THEM4: variants seen among roughly 807,000 people sequenced by gnomAD.
THEM4 encodes thioesterase superfamily member 4, also known as acyl-coenzyme A thioesterase THEM4.
In THEM4, 22 loss-of-function variants were observed where a neutral mutation model predicts 25.0. That is an observed-to-expected ratio of 0.88 (90% CI 0.63 to 1.26). THEM4 has a LOEUF of 1.26. Among genes scored for constraint, THEM4 ranks in the 50% most tolerant of loss-of-function variants. The pLI is 0.00. For missense variants in THEM4, 286 were observed against 300.3 expected (o/e 0.95, Z 0.35); for synonymous variants, 113 against 105.6 (o/e 1.07, Z -0.43).
chr1:151,906,993 C>T (rs1654484654), intron 1 of THEM4, among the ~76,000 whole-genome samples: 1 of 152,178 alleles, frequency 6.6e-6, no homozygotes, highest in South Asian at 2.1e-4. Flanking sequence ...TCCCCTTCCA[C>T]ACTGTGGAAG....
chr1:151,907,953 C>A (rs1236255871), intron 1 of THEM4, among the ~76,000 whole-genome samples: 1 of 152,174 alleles, frequency 6.6e-6, no homozygotes, highest in East Asian at 1.9e-4. Flanking sequence ...ACTGCCCAGG[C>A]TCCAAGGCGC....
At chr1:151,893,891 ACT>A (rs113342987) in intron 2 of THEM4, among the ~76,000 whole-genome samples, 68 of 150,946 alleles carry the variant, frequency 4.5e-4, no homozygotes, top group Admixed American at 1.7e-3. Flanking sequence ...AGACAGTCTC[ACT>A]CTGTTGCCCA....
At chr1:151,892,349 T>C (rs575674392) in intron 2 of THEM4, among the ~76,000 whole-genome samples, 2 of 152,288 alleles carry the variant, frequency 1.3e-5, no homozygotes, top group South Asian at 4.1e-4. Flanking sequence ...TCTAGTACAG[T>C]AAGTGCTGAA....
chr1:151,877,172 T>C (rs939610827), intron 4 of THEM4, 47 bp from the exon 5 acceptor site: 1 of 1,552,244 alleles, frequency 6.4e-7, no homozygotes, highest in Non-Finnish European at 8.7e-7. Flanking sequence ...TTATCTGACT[T>C]ATATAACATT....
In THEM4 at chr1:151,909,476, C is replaced by A; in HGVS notation, c.-18G>T. On this transcript the variant is annotated 5_prime_UTR_variant, in exon 1 of 6. Transcript: ENST00000368814. The stretch of plus-strand genomic sequence containing the variant: ...CTCAGCATGGCTCCGGGCCGCGGGG[C>A]CGCGCTTGCTCTAGCCCTGGACGGC... The A allele has an allele frequency of 7.3e-7, 1 of 1,375,148 alleles. No individual in the cohort carries two copies. Among genetic ancestry groups the A allele is most frequent in the Non-Finnish European group, 9.3e-7 (1 of 1,072,774 alleles). The allele number at this position is 1,375,148 out of a possible 1,614,324, so 85.2% of individuals were successfully genotyped here. A position where few individuals can be genotyped will look rare whatever the true frequency, so the allele number is the denominator to read the frequency against.
chr1:151,902,434 G>T (rs1654372026), intron 1 of THEM4, among the ~76,000 whole-genome samples: 1 of 152,118 alleles, frequency 6.6e-6, no homozygotes, highest in South Asian at 2.1e-4. Context: ...AATTATATGG[G>T]AGAGCTAAGC....
At chr1:151,885,775 A>C (rs1489814546) in intron 4 of THEM4, among the ~76,000 whole-genome samples, 2 of 152,276 alleles carry the variant, frequency 1.3e-5, no homozygotes, top group Non-Finnish European at 2.9e-5. Context: ...CAAGGAAATA[A>C]ATCAAGTGGG....
At chr1:151,898,384 C>G (rs987534546) in intron 1 of THEM4, among the ~76,000 whole-genome samples, 1 of 152,166 alleles carries the variant, frequency 6.6e-6, no homozygotes, top group Non-Finnish European at 1.5e-5. Context: ...GTACACAACT[C>G]CAGTGACCCG....
intron 4 of THEM4, among the ~76,000 whole-genome samples, chr1:151,884,430 C>T (rs899819391): frequency 6.6e-6 from 1 of 152,134 alleles, no homozygotes; most frequent in Non-Finnish European, 1.5e-5. Context: ...TCAAAGAAAC[C>T]TTTCTATATA....
At chr1:151,877,218 T>C in intron 4 of THEM4, 93 bp from the exon 5 acceptor site, 1 of 1,321,936 alleles carries the variant, frequency 7.6e-7, no homozygotes. Flanking sequence ...GGATAGAAAT[T>C]TATGACACCT....
rs1653587202 is a variant in THEM4 at position 151,872,954 on chromosome 1, AGAGGAAGGCCTCTTGTGGTTGAGAT to A, written c.*1909_*1933del. 2.0e-5 allele frequency among the ~76,000 whole-genome samples: 3 copies of A among 152,196 alleles called. No homozygotes were observed. In the South Asian group the frequency reaches 6.2e-4, roughly 32 times the overall value. ...GTCTGTGCTGAGGGGGATTAGTAAA[AGAGGAAGGCCTCTTGTGGTTGAGAT>A]GAGGAAGGCCTCTGTCTCCTGCATG... On this transcript the variant is annotated 3_prime_UTR_variant, in exon 6 of 6. Transcript: ENST00000368814.
chr1:151,891,330 A>G (rs1185771447), intron 2 of THEM4: 2 of 152,234 alleles, frequency 1.3e-5, no homozygotes. Flanking sequence ...TTTGAGGAGG[A>G]TAAGAATGGA....
At chr1:151,886,071 T>C (rs900150998) in intron 4 of THEM4, among the ~76,000 whole-genome samples, 11 of 152,220 alleles carry the variant, frequency 7.2e-5, no homozygotes, top group Non-Finnish European at 1.3e-4. Context: ...CAATACTTTA[T>C]TCTGGTCTTT....
chr1:151,871,339 A>G lies in THEM4; in HGVS notation c.*3549T>C, dbSNP rs912793132. ...GACCCTGTCTTGAAAAAAAAAAAAAAAAAAGAAAAAGAAAAAAGAAAGGAA... is the reference window on the plus strand; with the variant it reads ...GACCCTGTCTTGAAAAAAAAAAAAAGAAAAGAAAAAGAAAAAAGAAAGGAA... On this transcript the variant is annotated 3_prime_UTR_variant, in exon 6 of 6. Coordinates refer to ENST00000368814, the MANE Select transcript of THEM4 (RefSeq NM_053055.5). 1.5e-4 allele frequency among the ~76,000 whole-genome samples: 23 copies of G among 151,512 alleles called. No individual in the cohort carries two copies. Among genetic ancestry groups the G allele is most frequent in the East Asian group, 9.6e-4 (5 of 5,182 alleles).
intron 1 of THEM4, among the ~76,000 whole-genome samples, chr1:151,898,047 C>T (rs559467936): frequency 2.6e-5 from 4 of 152,294 alleles, no homozygotes; most frequent in South Asian, 2.1e-4. Context: ...AGAAATTCTG[C>T]GGCTGAACTT....
At chr1:151,896,154 C>T (rs1490563194) in intron 1 of THEM4, among the ~76,000 whole-genome samples, 3 of 152,036 alleles carry the variant, frequency 2.0e-5, no homozygotes, top group South Asian at 4.2e-4. Flanking sequence ...CCACCACACC[C>T]GGCTAATTTT....
At chr1:151,890,201 G>A (rs573006947) in intron 2 of THEM4, 24 of 457,484 alleles carry the variant, frequency 5.2e-5, no homozygotes, top group East Asian at 4.2e-4. Flanking sequence ...CACAGCGCCC[G>A]GCCATTAACC....
chr1:151,905,917 A>G (rs1014202090), intron 1 of THEM4, among the ~76,000 whole-genome samples: 1 of 152,260 alleles, frequency 6.6e-6, no homozygotes, highest in Non-Finnish European at 1.5e-5. Context: ...GCAAGCCTAG[A>G]TAACAGCCAC....
intron 4 of THEM4, among the ~76,000 whole-genome samples, chr1:151,877,662 T>C (rs773058363): frequency 6.6e-6 from 1 of 152,194 alleles, no homozygotes; most frequent in Non-Finnish European, 1.5e-5. Flanking sequence ...AAATGTTCCA[T>C]ATCTGAGCTG....
Sources: gnomAD v4.1 joint callset for allele counts (sites outside exome capture counted in the v4.1 genomes callset) on GRCh38, gnomAD v4.1.1 for gene constraint, MANE v1.5 for transcripts, NCBI Gene and HGNC (gene_info 2026-07-23, HGNC 2026-07-21) for gene names.